SDHAF4: variants seen among roughly 807,000 people sequenced by gnomAD.
SDHAF4 encodes succinate dehydrogenase complex assembly factor 4, also known as succinate dehydrogenase assembly factor 4, mitochondrial.
SDHAF4 carries 14 observed loss-of-function variants against 14.3 expected under a neutral mutation model. That is an observed-to-expected ratio of 0.98 (90% CI 0.65 to 1.53). The LOEUF (loss-of-function observed/expected upper bound fraction) is 1.53. Ranked by LOEUF, SDHAF4 falls within the 40% of genes most tolerant of loss-of-function variation. SDHAF4 has a pLI of 0.00. For synonymous variants in SDHAF4, 63 were observed against 47.3 expected (o/e 1.33, Z -1.36); for missense variants, 141 against 129.3 (o/e 1.09, Z -0.44).
the SDHAF4 span, chr6:70,596,716 T>C: frequency 3.3e-5 from 5 of 152,194 alleles, no homozygotes; most frequent in African/African-American, 1.2e-4. Context: ...GTGTTGTACA[T>C]AATGAGTGTT....
chr6:70,587,935 A>T (rs116697948), intron 2 of SDHAF4, among the ~76,000 whole-genome samples: 186 of 152,322 alleles, frequency 1.2e-3, no homozygotes, highest in African/African-American at 4.2e-3. Flanking sequence ...ATTAATTGAC[A>T]TTCCTATGTA....
At chr6:70,593,943 C>G (rs1765280448), downstream of SDHAF4, among the ~76,000 whole-genome samples, 3 of 152,174 alleles carry the variant, frequency 2.0e-5, no homozygotes, top group Admixed American at 2.0e-4. Flanking sequence ...GATCCTCCCA[C>G]CTCAGCCTCC....
rs1409079253 is a variant in SDHAF4, at chr6:70,568,504, CTG to C, written c.64+1504_64+1505del. ...ATTGTTGATTTTTTTTCAGATAACG[CTG>C]TGTTTTGTGATTGAGTCACATTGAC... On this transcript the variant is annotated intron_variant, in intron 1 of 2. Coordinates refer to ENST00000370474, the MANE Select transcript of SDHAF4 (RefSeq NM_145267.3). 3.3e-5 allele frequency among the ~76,000 whole-genome samples: 5 copies of C among 152,186 alleles called. No homozygotes were observed. The East Asian group carries it at 5.8e-4, about 18-fold the overall frequency.
In SDHAF4 at chr6:70,575,569, C is replaced by T. The variant is rs1236690410; in HGVS notation, c.65-3845C>T. On this transcript the variant is annotated intron_variant, in intron 1 of 2. Transcript: ENST00000370474. The stretch of plus-strand genomic sequence containing the variant: ...TCTTCAGTTTATCATTATTTACTTT[C>T]GTAAAGGTTCTATCTCTGATTTAGA... Among the ~76,000 whole-genome samples the T allele has an allele frequency of 4.0e-5, 6 of 149,648 alleles. No individual in the cohort carries two copies. The East Asian group carries it at 5.9e-4, about 15-fold the overall frequency.
At chr6:70,596,541 A>G in the SDHAF4 span, 1 of 152,246 alleles carries the variant, frequency 6.6e-6, no homozygotes, top group Non-Finnish European at 1.5e-5. Flanking sequence ...GAGAACCTAG[A>G]TTAACATGGA....
At chr6:70,584,015 T>G (rs539906406) in intron 2 of SDHAF4, among the ~76,000 whole-genome samples, 57 of 94,494 alleles carry the variant, frequency 6.0e-4, no homozygotes, top group African/African-American at 9.6e-4. Context: ...TGAGTGAGGT[T>G]GTTGTTGTTG....
the SDHAF4 span, chr6:70,596,922 T>G: frequency 6.6e-6 from 1 of 152,200 alleles, no homozygotes; most frequent in African/African-American, 2.4e-5. Context: ...ATATTAGTAA[T>G]TTGATAATTT....
Position 70,588,898 on chromosome 6 carries a change from G to C in SDHAF4, c.*174G>C. The stretch of plus-strand genomic sequence containing the variant: ...AATATGCTGCTGTAAATTAGGAAAG[G>C]GAGACCAGCCTGACCAATATGGAGA... On this transcript the variant is annotated 3_prime_UTR_variant, in exon 3 of 3. Transcript: ENST00000370474. The C allele has an allele frequency of 3.8e-6, 1 of 259,744 alleles. No individual in the cohort carries two copies. Among genetic ancestry groups the C allele is most frequent in the East Asian group, 5.4e-5 (1 of 18,432 alleles). The allele number at this position is 259,744 out of a possible 1,614,324, so 16.1% of individuals were successfully genotyped here.
intron 1 of SDHAF4, among the ~76,000 whole-genome samples, chr6:70,570,321 CCTGT>C (rs1483695025): frequency 6.6e-6 from 1 of 152,000 alleles, no homozygotes; most frequent in Non-Finnish European, 1.5e-5. Flanking sequence ...CTAGTTTCTC[CCTGT>C]CTAATCCTTT....
chr6:70,575,896 A>G (rs1017750366), intron 1 of SDHAF4, among the ~76,000 whole-genome samples: 1 of 152,186 alleles, frequency 6.6e-6, no homozygotes, highest in Non-Finnish European at 1.5e-5. Flanking sequence ...ATGTTGTTAA[A>G]AGAGGCTTTT....
rs779381086 is a variant in SDHAF4 at position 70,566,950 on chromosome 6, T to A, written c.10T>A (p.Ser4Thr). The change falls in exon 1 of 3, where the codon TCG (serine) becomes ACG (threonine). Residue 4 changes from serine to threonine, a missense_variant. By Grantham distance (58) the Ser-to-Thr change is moderately conservative. Transcript: ENST00000370474. Reference sequence around the variant, plus strand: ...TCGGGGAGTCGGCGCCATGACCCCATCGAGGCTTCCCTGGTTGCTTAGCTG... The same window carrying A: ...TCGGGGAGTCGGCGCCATGACCCCAACGAGGCTTCCCTGGTTGCTTAGCTG... MTP[S>T]RLPWLLSWVS... The A allele has an allele frequency of 2.7e-5, 43 of 1,587,600 alleles. No homozygotes were observed. In the South Asian group the frequency reaches 4.3e-4, roughly 16 times the overall value.
rs1161833240 is a variant in SDHAF4, at chr6:70,589,253, C to G, written c.*529C>G. On this transcript the variant is annotated 3_prime_UTR_variant, in exon 3 of 3. Coordinates refer to ENST00000370474, the MANE Select transcript of SDHAF4 (RefSeq NM_145267.3). ...TATCCCAACTCACTGCAACTTCCGCCCCGCCAGGTTCAAGCAATTCTCCTG... is the reference window on the plus strand; with the variant it reads ...TATCCCAACTCACTGCAACTTCCGCGCCGCCAGGTTCAAGCAATTCTCCTG... 2 of 152,140 alleles carry G rather than the reference C, an allele frequency of 1.3e-5. No individual in the cohort carries two copies. Among genetic ancestry groups the G allele is most frequent in the African/African-American group, 2.4e-5 (1 of 41,402 alleles). 9.4% of individuals were successfully genotyped at this position (152,140 alleles called of 1,614,324 possible).
At chr6:70,579,879 G>T (rs961081554) in intron 2 of SDHAF4, among the ~76,000 whole-genome samples, 68 of 151,388 alleles carry the variant, frequency 4.5e-4, no homozygotes, top group African/African-American at 1.6e-3. Context: ...ATCAAAGAAG[G>T]TTATGTTATT....
intron 2 of SDHAF4, 40 bp from the exon 3 acceptor site, chr6:70,588,575 G>T: frequency 1.0e-6 from 1 of 1,004,618 alleles, no homozygotes; most frequent in Non-Finnish European, 1.5e-6. Flanking sequence ...GGCCTTTCCT[G>T]CCTCCATTAA....
intron 1 of SDHAF4, among the ~76,000 whole-genome samples, chr6:70,574,750 T>C (rs1802228642): frequency 6.6e-6 from 1 of 152,022 alleles, no homozygotes; most frequent in Admixed American, 6.6e-5. Flanking sequence ...GGCAACATAG[T>C]GAGACCCCCA....
intron 2 of SDHAF4, among the ~76,000 whole-genome samples, chr6:70,581,397 A>G (rs908523654): frequency 6.6e-6 from 1 of 152,202 alleles, no homozygotes; most frequent in Non-Finnish European, 1.5e-5. Flanking sequence ...TAAGTCTTGT[A>G]TCACTCAAGT....
rs948773782 is a variant in SDHAF4 at position 70,567,014 on chromosome 6, T to C, written c.64+10T>C. 1.9e-6 allele frequency: 3 copies of C among 1,580,132 alleles called. No homozygotes were observed. Among genetic ancestry groups the C allele is most frequent in the African/African-American group, 1.3e-5 (1 of 74,264 alleles). On this transcript the variant is annotated intron_variant, in intron 1 of 2. Transcript: ENST00000370474. ...GCGTGGAGAGCGGCAAGTAAGCACC[T>C]GGCCTCGGGGCCACGGTCGCGGGAG...
chr6:70,578,799 C>T (rs562416502), intron 1 of SDHAF4, among the ~76,000 whole-genome samples: 1 of 152,262 alleles, frequency 6.6e-6, no homozygotes, highest in East Asian at 1.9e-4. Context: ...CTGCACATAG[C>T]TGCCAACTAT....
At chr6:70,583,712 CAAAA>C (rs1765167216) in intron 2 of SDHAF4, among the ~76,000 whole-genome samples, 1 of 152,074 alleles carries the variant, frequency 6.6e-6, no homozygotes, top group African/African-American at 2.4e-5. Flanking sequence ...AAAAATCACA[CAAAA>C]AAACTCAATG....
Sources: gnomAD v4.1 joint callset for allele counts (sites outside exome capture counted in the v4.1 genomes callset) on GRCh38, gnomAD v4.1.1 for gene constraint, MANE v1.5 for transcripts, NCBI Gene and HGNC (gene_info 2026-07-23, HGNC 2026-07-21) for gene names.